Variants in SI observed in about 807,000 individuals in gnomAD.
SI encodes the protein sucrase-isomaltase.
Under a neutral mutation model 253.3 loss-of-function variants are expected in SI, and 235 were observed. The observed-to-expected ratio is 0.93, with a 90% CI of 0.83 to 1.03. The LOEUF is 1.03. Among genes scored for constraint, SI ranks in the 50% least tolerant of loss-of-function variants. The pLI, the probability that SI is intolerant of heterozygous loss-of-function variation, is 0.00. For missense variants in SI, 2,442 were observed against 2,211.1 expected (o/e 1.10, Z -2.09); for synonymous variants, 819 against 712.0 (o/e 1.15, Z -2.39).
chr3:165,067,516 AT>A, intron 5 of SI, 25 bp from the exon 6 acceptor site: 1 of 1,573,470 alleles, frequency 6.4e-7, no homozygotes, highest in South Asian at 1.1e-5. Flanking sequence ...GCAAGGTAGC[AT>A]TACTGGATTC....
intron 44 of SI, 90 bp from the exon 45 acceptor site, chr3:164,987,316 A>AC (rs1310597887): frequency 2.9e-6 from 3 of 1,052,338 alleles, no homozygotes; most frequent in Non-Finnish European, 3.0e-6. Context: ...ATCTATAGGA[A>AC]CCCAAGCATT....
chr3:165,050,897 C>T (rs1055424637), intron 13 of SI, among the ~76,000 whole-genome samples: 1 of 152,016 alleles, frequency 6.6e-6, no homozygotes, highest in South Asian at 2.1e-4. Flanking sequence ...CTCCCTTTAA[C>T]CTTAACACTC....
intron 34 of SI, among the ~76,000 whole-genome samples, chr3:165,012,738 T>C (rs1689249928): frequency 6.6e-6 from 1 of 152,118 alleles, no homozygotes; most frequent in Non-Finnish European, 1.5e-5. Context: ...CCATAACTTT[T>C]TAAATAAAGG....
intron 3 of SI, among the ~76,000 whole-genome samples, chr3:165,072,440 A>G (rs1714646092): frequency 6.6e-6 from 1 of 152,062 alleles, no homozygotes; most frequent in African/African-American, 2.4e-5. Flanking sequence ...AAAAACCCTG[A>G]GTGACAAAGT....
At position 165,039,887 on chromosome 3, in the gene SI, C is replaced by T; in HGVS notation, c.2244G>A (p.Gln748=). ...AGGTTATTAAACCTGTAGAGCCTAC[C>T]TGTTTTAGAACAGGAGTAATAAGTA... ...PALLITPVLK[Q]GADTVSAYIP... is the part of the protein sequence containing the mutation. Residue 748 remains glutamine, a splice_region_variant and synonymous_variant, in exon 19 of 48, where the codon CAG becomes CAA. Transcript: ENST00000264382. 2 of 1,607,380 alleles carry T rather than the reference C, an allele frequency of 1.2e-6. No individual in the cohort carries two copies. The highest frequency in any genetic ancestry group is 1.7e-6 in the Non-Finnish European group (2 of 1,174,154).
chr3:165,038,727 G>A (rs1712666955), intron 20 of SI, among the ~76,000 whole-genome samples: 1 of 151,844 alleles, frequency 6.6e-6, no homozygotes, highest in Non-Finnish European at 1.5e-5. Context: ...CAGTACTCAA[G>A]TCTTCTGGCA....
chr3:165,074,976 C>T (rs1016642536), intron 2 of SI, among the ~76,000 whole-genome samples: 1 of 151,738 alleles, frequency 6.6e-6, no homozygotes, highest in Non-Finnish European at 1.5e-5. Flanking sequence ...ACTGTATTTA[C>T]AACTTGTATT....
intron 22 of SI, among the ~76,000 whole-genome samples, chr3:165,035,828 C>A (rs971609280): frequency 1.3e-5 from 2 of 151,564 alleles, no homozygotes; most frequent in Admixed American, 1.3e-4. Flanking sequence ...CTTACTATGG[C>A]ATAATTAGAA....
intron 17 of SI, among the ~76,000 whole-genome samples, chr3:165,042,311 C>T (rs1712877736): frequency 6.6e-6 from 1 of 152,072 alleles, no homozygotes; most frequent in Non-Finnish European, 1.5e-5. Context: ...AGGCTGAGCT[C>T]AGTAGTTGTC....
chr3:165,028,100 A>G (rs1159553489), intron 25 of SI, among the ~76,000 whole-genome samples: 1 of 151,556 alleles, frequency 6.6e-6, no homozygotes, highest in African/African-American at 2.4e-5. Flanking sequence ...TTTTGGATAC[A>G]AAATTAACGT....
At chr3:165,066,607 A>G (rs1471153693) in intron 6 of SI, among the ~76,000 whole-genome samples, 2 of 151,936 alleles carry the variant, frequency 1.3e-5, no homozygotes, top group Non-Finnish European at 2.9e-5. Context: ...GCCTCTGGAA[A>G]CCATAATCCT....
At chr3:165,045,556 A>G (rs1192708004) in intron 16 of SI, among the ~76,000 whole-genome samples, 1 of 151,346 alleles carries the variant, frequency 6.6e-6, no homozygotes, top group Non-Finnish European at 1.5e-5. Flanking sequence ...TCCTCTAGAG[A>G]TTTTGTTTAC....
rs765215433 is a variant in SI, at chr3:165,049,105, C to A, written c.1715+22G>T. On this transcript the variant is annotated intron_variant, in intron 15 of 47. Transcript: ENST00000264382. Reference sequence around the variant, plus strand: ...TTTAAGCAATAAATATGAAAGAAGTCTTTGAATGAAATTGCACTTACTGCT... The same window carrying A: ...TTTAAGCAATAAATATGAAAGAAGTATTTGAATGAAATTGCACTTACTGCT... The A allele has an allele frequency of 2.4e-6, 3 of 1,232,092 alleles. No homozygotes were observed. In the Admixed American group the frequency reaches 5.0e-5, roughly 21 times the overall value. 76.3% of individuals were successfully genotyped at this position (1,232,092 alleles called of 1,614,324 possible). A position where few individuals can be genotyped will look rare whatever the true frequency, so the allele number is the denominator to read the frequency against.
rs746802383 is a variant in SI at position 165,074,652 on chromosome 3, G to T, written c.134C>A (p.Thr45Asn). The change falls in exon 3 of 48, where the codon ACT (threonine) becomes AAT (asparagine). Residue 45 changes from threonine to asparagine, a missense_variant. Transcript: ENST00000264382. ...CACACGAGTAGTAGCTGGAGTTGAA[G>T]TAGAATCACTAATTTCTGGGGGAGG... ...TPAVDEISDSTSTPATTRVTT... is the reference protein window; with the variant it reads ...TPAVDEISDSNSTPATTRVTT... The T allele has an allele frequency of 5.6e-6, 9 of 1,609,542 alleles. No individual in the cohort carries two copies. In the African/African-American group the frequency reaches 1.1e-4, roughly 19 times the overall value.
In SI at chr3:165,036,842, G is replaced by T. The variant is rs558469354; in HGVS notation, c.2427-365C>A. Among the ~76,000 whole-genome samples the T allele has an allele frequency of 3.1e-3, 469 of 151,264 alleles. 1 individual carries two copies. Among genetic ancestry groups the T allele is most frequent in the Non-Finnish European group, 5.7e-3 (389 of 67,730 alleles). Reference sequence around the variant, plus strand: ...AACCTGTGTAATCCTAAATCTCAATGTATTAAGTCTACATCTTATGAGAAA... The same window carrying T: ...AACCTGTGTAATCCTAAATCTCAATTTATTAAGTCTACATCTTATGAGAAA... On this transcript the variant is annotated intron_variant, in intron 21 of 47. Transcript: ENST00000264382.
chr3:164,980,781 C>A (rs1276238081), intron 47 of SI, among the ~76,000 whole-genome samples: 2 of 152,024 alleles, frequency 1.3e-5, no homozygotes, highest in African/African-American at 2.4e-5. Flanking sequence ...TGAAATAACA[C>A]CCCAAAATAT....
chr3:164,984,368 T>C (rs1717339092), intron 45 of SI, among the ~76,000 whole-genome samples: 1 of 152,180 alleles, frequency 6.6e-6, no homozygotes, highest in Non-Finnish European at 1.5e-5. Context: ...TTATGTATGC[T>C]AATATATGTA....
chr3:165,015,340 G>A (rs1368801354), intron 32 of SI, 107 bp from the exon 33 acceptor site: 1 of 753,496 alleles, frequency 1.3e-6, no homozygotes, highest in Non-Finnish European at 2.4e-6. Context: ...ATAATAATGT[G>A]CTCTCACATT....
intron 35 of SI, 32 bp from the exon 36 acceptor site, chr3:165,008,030 A>T (rs1018396482): frequency 8.6e-7 from 1 of 1,162,434 alleles, no homozygotes; most frequent in Admixed American, 1.7e-5. Flanking sequence ...AAGGTAAACA[A>T]AAGATAAATT....
Sources: allele counts gnomAD v4.1 joint callset (sites outside exome capture counted in the v4.1 genomes callset), GRCh38; gene constraint gnomAD v4.1.1; transcripts MANE v1.5; gene names NCBI Gene and HGNC (gene_info 2026-07-23, HGNC 2026-07-21).